KCNQ1: variants seen among roughly 807,000 people sequenced by gnomAD.
KCNQ1 encodes the protein potassium voltage-gated channel subfamily KQT member 1.
KCNQ1 carries 49 observed loss-of-function variants against 72.4 expected under a neutral mutation model. The observed-to-expected ratio is 0.68, with a 90% CI of 0.54 to 0.86. The LOEUF (loss-of-function observed/expected upper bound fraction) is 0.86. KCNQ1 is among the 40% of genes least tolerant of loss of function. KCNQ1 has a pLI of 0.00. For missense variants in KCNQ1, 790 were observed against 945.1 expected (o/e 0.84, Z 2.15); for synonymous variants, 450 against 412.6 (o/e 1.09, Z -1.10).
At chr11:2,789,348 C>T (rs1160844997) in intron 15 of KCNQ1, among the ~76,000 whole-genome samples, 1 of 152,210 alleles carries the variant, frequency 6.6e-6, no homozygotes, top group Non-Finnish European at 1.5e-5. Context: ...CCCGTCATCA[C>T]TCCTAGGAAA....
At chr11:2,754,088 C>T (rs1432286675) in intron 11 of KCNQ1, among the ~76,000 whole-genome samples, 1 of 152,228 alleles carries the variant, frequency 6.6e-6, no homozygotes, top group African/African-American at 2.4e-5. Context: ...TCAGCCTCAG[C>T]AGTCATTAAA....
chr11:2,702,709 G>T (rs984484186), intron 11 of KCNQ1, among the ~76,000 whole-genome samples: 2 of 152,050 alleles, frequency 1.3e-5, no homozygotes, highest in Admixed American at 1.3e-4. Context: ...CAAATTCCCC[G>T]CCTGTGATAT....
chr11:2,554,925 T>A (rs1002134213), intron 2 of KCNQ1, among the ~76,000 whole-genome samples: 27 of 152,342 alleles, frequency 1.8e-4, no homozygotes, highest in African/African-American at 6.3e-4. Flanking sequence ...TATTAAAATC[T>A]CTAGATTTGC....
chr11:2,745,712 C>T lies in KCNQ1; in HGVS notation c.1515-23132C>T, dbSNP rs959253437. ...GCGGAGGCAGGGGCTTCCTCTGACA[C>T]GATACAGGGATTTGCTGACGGTTCC... On this transcript the variant is annotated intron_variant, in intron 11 of 15. Coordinates refer to ENST00000155840, the MANE Select transcript of KCNQ1 (RefSeq NM_000218.3). The surrounding 1 kb of genome is among the most constrained non-coding windows in gnomAD (Gnocchi z 6.2). Among the ~76,000 whole-genome samples, 15 of 152,172 alleles carry T rather than the reference C, an allele frequency of 9.9e-5. No individual in the cohort carries two copies. Among genetic ancestry groups the T allele is most frequent in the Admixed American group, 7.2e-4 (11 of 15,272 alleles).
rs187569340 is a variant in KCNQ1, at chr11:2,689,902, C to T, written c.1514+27821C>T. On this transcript the variant is annotated intron_variant, in intron 11 of 15. Transcript: ENST00000155840. ...CCCCATCCCTGGGGAAGGTTCCCAC[C>T]TGCTCCAACTTCTGGTACTCCCAGG... 1.3e-5 allele frequency: 5 copies of T among 398,846 alleles called. No homozygotes were observed. The East Asian group carries it at 1.8e-4, about 14-fold the overall frequency. The allele number at this position is 398,846 out of a possible 1,614,324, so 24.7% of individuals were successfully genotyped here. A position where few individuals can be genotyped will look rare whatever the true frequency, so the allele number is the denominator to read the frequency against.
At chr11:2,799,556 G>T (rs1178553674) in intron 15 of KCNQ1, among the ~76,000 whole-genome samples, 2 of 151,822 alleles carry the variant, frequency 1.3e-5, no homozygotes, top group African/African-American at 4.8e-5. Context: ...CATGTATCGT[G>T]TGTGTGGTGT....
rs1846859077 is a variant in KCNQ1, at chr11:2,783,438, G to C, written c.1794+5401G>C. ...ATATTCTGACATTGTTGGGTGCAGT[G>C]TTATGTTCATATCCACTGGAACAAG... On this transcript the variant is annotated intron_variant, in intron 15 of 15. Transcript: ENST00000155840. The surrounding 1 kb of genome is among the most constrained non-coding windows in gnomAD (Gnocchi z 5.2). Among the ~76,000 whole-genome samples, 1 of 152,046 alleles carries C rather than the reference G, an allele frequency of 6.6e-6. No homozygotes were observed. The highest frequency in any genetic ancestry group is 2.4e-5 in the African/African-American group (1 of 41,432).
chr11:2,449,305 G>A (rs1295059820), intron 1 of KCNQ1, among the ~76,000 whole-genome samples: 4 of 152,250 alleles, frequency 2.6e-5, no homozygotes, highest in South Asian at 2.1e-4. Context: ...GGTACTGGGG[G>A]CAGGAGGGTC....
At chr11:2,456,724 A>T (rs1314612764) in intron 1 of KCNQ1, among the ~76,000 whole-genome samples, 1 of 146,202 alleles carries the variant, frequency 6.8e-6, no homozygotes, top group Non-Finnish European at 1.5e-5. Flanking sequence ...GATCGAGACC[A>T]TCCTGGCTAA....
chr11:2,711,459 C>A lies in KCNQ1; in HGVS notation c.1514+49378C>A, dbSNP rs990264355. On this transcript the variant is annotated intron_variant, in intron 11 of 15. Transcript: ENST00000155840. This position sits in a 1 kb window ranked among gnomAD's most constrained non-coding sequence, Gnocchi z 5.4. ...TTCTGTGAGCCGTCATGAAACACCT[C>A]CTGTGGGCTTACTGAGCCACCATCT... 6.6e-6 allele frequency among the ~76,000 whole-genome samples: 1 copy of A among 152,190 alleles called. No individual in the cohort carries two copies. The highest frequency in any genetic ancestry group is 2.4e-5 in the African/African-American group (1 of 41,442).
Position 2,547,251 on chromosome 11 carries a change from A to T in KCNQ1, c.477+19233A>T, listed in dbSNP as rs1034109902. ...TATTATTTATTTATTTATTTTTGCG[A>T]AACAGTTTCCCTCTGTTGCCCAGGC... is the stretch of plus-strand genomic sequence containing the variant. On this transcript the variant is annotated intron_variant, in intron 2 of 15. Coordinates refer to ENST00000155840, the MANE Select transcript of KCNQ1 (RefSeq NM_000218.3). The surrounding 1 kb of genome is among the most constrained non-coding windows in gnomAD (Gnocchi z 4.2). Among the ~76,000 whole-genome samples, 3 of 152,166 alleles carry T rather than the reference A, an allele frequency of 2.0e-5. No homozygotes were observed. The highest frequency in any genetic ancestry group is 7.2e-5 in the African/African-American group (3 of 41,428).
chr11:2,593,197 A>G lies in KCNQ1; in HGVS notation c.1393+4343A>G, dbSNP rs1296494390. On this transcript the variant is annotated intron_variant, in intron 10 of 15. Coordinates refer to ENST00000155840, the MANE Select transcript of KCNQ1 (RefSeq NM_000218.3). This position sits in a 1 kb window ranked among gnomAD's most constrained non-coding sequence, Gnocchi z 6.9. ...ACCAGGGTTTTGTCTTGACAAAGGGACTGGAGGCAGGTTGTCAGAGTAGGG... is the reference window on the plus strand; with the variant it reads ...ACCAGGGTTTTGTCTTGACAAAGGGGCTGGAGGCAGGTTGTCAGAGTAGGG... Among the ~76,000 whole-genome samples the G allele has an allele frequency of 6.6e-6, 1 of 152,180 alleles. No homozygotes were observed. Among genetic ancestry groups the G allele is most frequent in the Non-Finnish European group, 1.5e-5 (1 of 68,038 alleles).
At position 2,601,562 on chromosome 11, in the gene KCNQ1, C is replaced by T. The variant is rs569447993; in HGVS notation, c.1393+12708C>T. 5.3e-5 allele frequency among the ~76,000 whole-genome samples: 8 copies of T among 152,294 alleles called. No homozygotes were observed. Among genetic ancestry groups the T allele is most frequent in the Admixed American group, 1.3e-4 (2 of 15,302 alleles). On this transcript the variant is annotated intron_variant, in intron 10 of 15. Transcript: ENST00000155840. The surrounding 1 kb of genome is among the most constrained non-coding windows in gnomAD (Gnocchi z 5.2). ...GGTTCCCATTATTTGTCCTTTTACACGGACTTTCTCCCATCCCATCCCTCC... is the reference window on the plus strand; with the variant it reads ...GGTTCCCATTATTTGTCCTTTTACATGGACTTTCTCCCATCCCATCCCTCC...
At chr11:2,794,087 C>T (rs1318746346) in intron 15 of KCNQ1, among the ~76,000 whole-genome samples, 1 of 152,112 alleles carries the variant, frequency 6.6e-6, no homozygotes, top group African/African-American at 2.4e-5. Context: ...GATGGCCCGG[C>T]CGGGCCAAGG....
At chr11:2,776,489 A>C (rs1298713975) in intron 13 of KCNQ1, among the ~76,000 whole-genome samples, 1 of 152,148 alleles carries the variant, frequency 6.6e-6, no homozygotes, top group Non-Finnish European at 1.5e-5. Flanking sequence ...GCCCCACCGC[A>C]CGGGTCTCCC....
At chr11:2,820,327 T>C (rs1472360393) in intron 15 of KCNQ1, among the ~76,000 whole-genome samples, 2 of 152,248 alleles carry the variant, frequency 1.3e-5, no homozygotes, top group African/African-American at 4.8e-5. Flanking sequence ...AAGAGTTATT[T>C]AGAAGGGTAC....
intron 11 of KCNQ1, chr11:2,688,383 T>A (rs548882329): frequency 2.5e-6 from 1 of 398,756 alleles, no homozygotes; most frequent in Non-Finnish European, 4.4e-6. Flanking sequence ...GAGGTTTCAA[T>A]AACTGCCATC....
At position 2,682,918 on chromosome 11, in the gene KCNQ1, G is replaced by C. The variant is rs1262516048; in HGVS notation, c.1514+20837G>C. 2 of 398,516 alleles carry C rather than the reference G, an allele frequency of 5.0e-6. No homozygotes were observed. Among genetic ancestry groups the C allele is most frequent in the Non-Finnish European group, 8.8e-6 (2 of 226,110 alleles). The allele number at this position is 398,516 out of a possible 1,614,324, so 24.7% of individuals were successfully genotyped here. On this transcript the variant is annotated intron_variant, in intron 11 of 15. Coordinates refer to ENST00000155840, the MANE Select transcript of KCNQ1 (RefSeq NM_000218.3). This position sits in a 1 kb window ranked among gnomAD's most constrained non-coding sequence, Gnocchi z 5.8. ...CAGACAGAAAATGGTGGCACCTGGA[G>C]AGGTGCTCAGGTCTGTGTGGAAGAA...
rs752267516 is a variant in KCNQ1 at position 2,669,167 on chromosome 11, G to A, written c.1514+7086G>A. 9.8e-5 allele frequency: 39 copies of A among 398,648 alleles called. No homozygotes were observed. Among genetic ancestry groups the A allele is most frequent in the Non-Finnish European group, 1.5e-4 (34 of 226,094 alleles). 24.7% of individuals were successfully genotyped at this position (398,648 alleles called of 1,614,324 possible). ...ACTGGTCAGATTCAAGTTGTTCTTT[G>A]TGGCCAGGACCTTGCTTCCTTCTCA... On this transcript the variant is annotated intron_variant, in intron 11 of 15. Coordinates refer to ENST00000155840, the MANE Select transcript of KCNQ1 (RefSeq NM_000218.3). The surrounding 1 kb of genome is among the most constrained non-coding windows in gnomAD (Gnocchi z 5.6).
Sources: gnomAD v4.1 joint callset for allele counts (sites outside exome capture counted in the v4.1 genomes callset) on GRCh38, gnomAD v4.1.1 for gene constraint, Gnocchi (gnomAD v3.1) non-coding constraint, MANE v1.5 for transcripts, NCBI Gene and HGNC (gene_info 2026-07-23, HGNC 2026-07-21) for gene names.